SH3GL3: variants seen among roughly 807,000 people sequenced by gnomAD.
The protein encoded by SH3GL3 is endophilin-A3.
SH3GL3 carries 33 observed loss-of-function variants against 47.7 expected under a neutral mutation model. The ratio of observed to expected loss-of-function variants is 0.69; its 90% CI spans 0.52 to 0.92. The LOEUF (loss-of-function observed/expected upper bound fraction) is 0.92. Ranked by LOEUF, SH3GL3 falls within the 40% of genes least tolerant of loss-of-function variation. SH3GL3 has a pLI of 0.00. For synonymous variants in SH3GL3, 155 were observed against 148.8 expected (o/e 1.04, Z -0.30); for missense variants, 363 against 417.8 (o/e 0.87, Z 1.14).
intron 1 of SH3GL3, chr15:83,490,833 A>T (rs1310380405): frequency 2.5e-6 from 4 of 1,614,206 alleles, no homozygotes; most frequent in Non-Finnish European, 3.4e-6. Flanking sequence ...AAGATGAATG[A>T]ATGGATGGAA....
In SH3GL3 at chr15:83,615,007, C is replaced by G. The variant is rs367582119; in HGVS notation, c.839-3075C>G. The stretch of plus-strand genomic sequence containing the variant: ...AACATAATCTCTAGCAGAACTTGTT[C>G]AATTCTCACTTGAAGTCTAGAGGGA... On this transcript the variant is annotated intron_variant, in intron 8 of 8. Coordinates refer to ENST00000427482, the MANE Select transcript of SH3GL3 (RefSeq NM_003027.5). Among the ~76,000 whole-genome samples, 12 of 151,428 alleles carry G rather than the reference C, an allele frequency of 7.9e-5. No individual in the cohort carries two copies. The East Asian group carries it at 2.3e-3, about 30-fold the overall frequency.
chr15:83,621,969 C>T (rs1420933049), downstream of SH3GL3, among the ~76,000 whole-genome samples: 1 of 146,004 alleles, frequency 6.8e-6, no homozygotes, highest in Admixed American at 6.7e-5. Context: ...TGTTTTCCCT[C>T]CAGCCAGCTA....
chr15:83,607,334 T>C (rs2060544795), intron 8 of SH3GL3, among the ~76,000 whole-genome samples: 1 of 152,200 alleles, frequency 6.6e-6, no homozygotes, highest in Non-Finnish European at 1.5e-5. Flanking sequence ...AACAGTGATG[T>C]TGCACCATCC....
intron 1 of SH3GL3, among the ~76,000 whole-genome samples, chr15:83,479,621 C>A (rs2041253911): frequency 6.6e-6 from 1 of 152,156 alleles, no homozygotes; most frequent in African/African-American, 2.4e-5. Context: ...GACGTTAAGT[C>A]CCTGGCACTT....
Position 83,447,674 on chromosome 15 carries a change from C to A in SH3GL3, c.45+96C>A. 1 of 865,770 alleles carries A rather than the reference C, an allele frequency of 1.2e-6. No individual in the cohort carries two copies. Among genetic ancestry groups the A allele is most frequent in the Non-Finnish European group, 1.7e-6 (1 of 601,726 alleles). The allele number at this position is 865,770 out of a possible 1,614,324, so 53.6% of individuals were successfully genotyped here. ...TTTGGGACTCCTGTTCCCTGAAGGGCCTCTCTCGGGGCTCAATTTCTTCCC... is the reference window on the plus strand; with the variant it reads ...TTTGGGACTCCTGTTCCCTGAAGGGACTCTCTCGGGGCTCAATTTCTTCCC... On this transcript the variant is annotated intron_variant, in intron 1 of 8. Transcript: ENST00000427482. This position sits in a 1 kb window ranked among gnomAD's most constrained non-coding sequence, Gnocchi z 5.1.
intron 1 of SH3GL3, among the ~76,000 whole-genome samples, chr15:83,481,274 C>T (rs1355138095): frequency 8.6e-6 from 1 of 116,194 alleles, no homozygotes; most frequent in African/African-American, 3.2e-5. Context: ...CATTCTGTCT[C>T]AAAAAAAAAA....
At chr15:83,609,364 A>T in intron 8 of SH3GL3, 1 of 453,248 alleles carries the variant, frequency 2.2e-6, no homozygotes, top group Non-Finnish European at 4.4e-6. Context: ...TCGCAGCCAG[A>T]CTACAAGGGA....
intron 1 of SH3GL3, among the ~76,000 whole-genome samples, chr15:83,536,324 C>T (rs538692242): frequency 6.6e-6 from 1 of 151,986 alleles, no homozygotes; most frequent in Non-Finnish European, 1.5e-5. Flanking sequence ...GGGGCCAAAC[C>T]TTTTTCTGTT....
rs535500485 is a variant in SH3GL3, at chr15:83,532,618, A to C, written c.46-26635A>C. Among the ~76,000 whole-genome samples, 3 of 152,304 alleles carry C rather than the reference A, an allele frequency of 2.0e-5. No homozygotes were observed. The East Asian group carries it at 5.8e-4, about 29-fold the overall frequency. ...ATGGAGCCAGATTGTAAGGTGTATC[A>C]GTTAGGAATGAGTTTGGCTGCAAGT... is the stretch of plus-strand genomic sequence containing the variant. On this transcript the variant is annotated intron_variant, in intron 1 of 8. Coordinates refer to ENST00000427482, the MANE Select transcript of SH3GL3 (RefSeq NM_003027.5).
intron 8 of SH3GL3, among the ~76,000 whole-genome samples, chr15:83,604,087 G>A (rs950680895): frequency 1.3e-5 from 2 of 152,088 alleles, no homozygotes. Flanking sequence ...GTGAGGTTGT[G>A]GTGAGCCGAG....
chr15:83,465,943 G>C (rs1010033783), intron 1 of SH3GL3, among the ~76,000 whole-genome samples: 14 of 152,066 alleles, frequency 9.2e-5, no homozygotes, highest in Non-Finnish European at 5.9e-5. Context: ...ATCACAACTA[G>C]GATGTTTATG....
At chr15:83,469,502 A>C (rs1404733702) in intron 1 of SH3GL3, among the ~76,000 whole-genome samples, 1 of 152,130 alleles carries the variant, frequency 6.6e-6, no homozygotes, top group Non-Finnish European at 1.5e-5. Context: ...GTGCCTCACT[A>C]ATTGTGATAT....
At chr15:83,529,478 C>A (rs1275623154) in intron 1 of SH3GL3, among the ~76,000 whole-genome samples, 2 of 151,932 alleles carry the variant, frequency 1.3e-5, no homozygotes, top group Non-Finnish European at 2.9e-5. Flanking sequence ...CTCCTCAGGT[C>A]CCCAGGAGTA....
At chr15:83,538,979 T>C (rs891276284) in intron 1 of SH3GL3, among the ~76,000 whole-genome samples, 1 of 152,192 alleles carries the variant, frequency 6.6e-6, no homozygotes, top group Non-Finnish European at 1.5e-5. Context: ...CTACAAATAC[T>C]GTATGAGTGT....
chr15:83,594,544 T>G (rs2060191648), intron 8 of SH3GL3, among the ~76,000 whole-genome samples: 1 of 152,206 alleles, frequency 6.6e-6, no homozygotes, highest in South Asian at 2.1e-4. Context: ...CCTGCTGTTC[T>G]TTTTCTGTTC....
intron 1 of SH3GL3, among the ~76,000 whole-genome samples, chr15:83,547,244 G>A (rs1000019669): frequency 6.6e-6 from 1 of 152,190 alleles, no homozygotes; most frequent in Admixed American, 6.5e-5. Flanking sequence ...TGGGATGGAC[G>A]ATTGCCCTTT....
chr15:83,602,096 A>G (rs752389564), intron 8 of SH3GL3, among the ~76,000 whole-genome samples: 2 of 152,198 alleles, frequency 1.3e-5, no homozygotes, highest in African/African-American at 2.4e-5. Context: ...CAGCTCTGCC[A>G]TCTTCATCAT....
intron 1 of SH3GL3, among the ~76,000 whole-genome samples, chr15:83,460,566 G>A (rs1199840353): frequency 6.6e-6 from 1 of 152,144 alleles, no homozygotes; most frequent in Non-Finnish European, 1.5e-5. Context: ...CTGGGAAACA[G>A]AACTTTCATG....
chr15:83,545,360 C>T (rs969217164), intron 1 of SH3GL3, among the ~76,000 whole-genome samples: 1 of 152,048 alleles, frequency 6.6e-6, no homozygotes, highest in Non-Finnish European at 1.5e-5. Context: ...ATGCTTAGTT[C>T]TTTTTAATGA....
Sources: allele counts gnomAD v4.1 joint callset (sites outside exome capture counted in the v4.1 genomes callset), GRCh38; gene constraint gnomAD v4.1.1; non-coding constraint Gnocchi (gnomAD v3.1); transcripts MANE v1.5; gene names NCBI Gene and HGNC (gene_info 2026-07-23, HGNC 2026-07-21).